Variants in CDKL1 observed in about 807,000 individuals in gnomAD.
The protein encoded by CDKL1 is cyclin-dependent kinase-like 1.
Under a neutral mutation model 42.0 loss-of-function variants are expected in CDKL1, and 41 were observed. The ratio of observed to expected loss-of-function variants is 0.98; its 90% CI spans 0.76 to 1.27. The LOEUF (loss-of-function observed/expected upper bound fraction) is 1.27. CDKL1 is among the 50% of genes most tolerant of loss of function. The pLI is 0.00. For missense variants in CDKL1, 394 were observed against 428.4 expected (o/e 0.92, Z 0.71); for synonymous variants, 153 against 158.6 (o/e 0.96, Z 0.26).
chr14:50,362,231 T>C, intron 2 of CDKL1: 1 of 300,054 alleles, frequency 3.3e-6, no homozygotes. Flanking sequence ...AACCGCCCCC[T>C]GCTCCGCAGC....
chr14:50,379,433 TG>T (rs1402505505), intron 2 of CDKL1, among the ~76,000 whole-genome samples: 1 of 152,030 alleles, frequency 6.6e-6, no homozygotes, highest in Non-Finnish European at 1.5e-5. Flanking sequence ...CCTCTGTGGG[TG>T]GGGTAGACAG....
intron 3 of CDKL1, among the ~76,000 whole-genome samples, chr14:50,353,957 CTTT>C (rs529856608): frequency 1.4e-5 from 2 of 142,904 alleles, no homozygotes; most frequent in African/African-American, 2.5e-5. Flanking sequence ...TCAATTTTTT[CTTT>C]TTTTTTTTTT....
At chr14:50,341,471 G>GC (rs1566578814) in intron 5 of CDKL1, among the ~76,000 whole-genome samples, 1 of 116,322 alleles carries the variant, frequency 8.6e-6, no homozygotes, top group African/African-American at 3.3e-5. Flanking sequence ...GGGGGGGGGG[G>GC]GTTATTTGGC....
intron 2 of CDKL1, among the ~76,000 whole-genome samples, chr14:50,375,301 GAATA>G (rs542650433): frequency 4.0e-4 from 61 of 152,260 alleles, no homozygotes; most frequent in African/African-American, 1.4e-3. Context: ...CTGGATGAAT[GAATA>G]AACAAATAAA....
intron 3 of CDKL1, among the ~76,000 whole-genome samples, chr14:50,347,907 C>T (rs776239623): frequency 6.6e-6 from 1 of 152,118 alleles, no homozygotes; most frequent in Non-Finnish European, 1.5e-5. Flanking sequence ...GTGAATAAGA[C>T]AACACTCAGG....
intron 2 of CDKL1, among the ~76,000 whole-genome samples, chr14:50,392,637 G>A (rs1313198203): frequency 1.3e-5 from 2 of 151,756 alleles, no homozygotes; most frequent in African/African-American, 4.8e-5. Context: ...CCCACATGGT[G>A]ACCTCCTCCG....
chr14:50,362,268 C>CT (rs932055511), intron 2 of CDKL1: 3 of 382,682 alleles, frequency 7.8e-6, no homozygotes, highest in Non-Finnish European at 1.6e-5. Context: ...CACCCAAGGA[C>CT]TGAGGAGTGC....
rs1200279415 is a variant in CDKL1 at position 50,329,483 on chromosome 14, A to G, written c.*591T>C. On this transcript the variant is annotated 3_prime_UTR_variant, in exon 10 of 10. Transcript: ENST00000395834. ...GTGGAAACATATAATTAAATTATAA[A>G]TTACCAAGCTTTTGTGATAATTCAT... The G allele has an allele frequency of 1.3e-5, 2 of 152,352 alleles. No homozygotes were observed. The highest frequency in any genetic ancestry group is 4.8e-5 in the African/African-American group (2 of 41,442). The allele number at this position is 152,352 out of a possible 1,614,324, so 9.4% of individuals were successfully genotyped here.
rs2032785659 is a variant in CDKL1 at position 50,328,337 on chromosome 14, T to C, written c.*1737A>G. ...GGACTAGCATTTAACCCATATCAGGTCTAGGCAAGAAAAGACATACATTAG... is the reference window on the plus strand; with the variant it reads ...GGACTAGCATTTAACCCATATCAGGCCTAGGCAAGAAAAGACATACATTAG... On this transcript the variant is annotated 3_prime_UTR_variant, in exon 10 of 10. Transcript: ENST00000395834. 1 of 152,114 alleles carries C rather than the reference T, an allele frequency of 6.6e-6. No homozygotes were observed. The allele number at this position is 152,114 out of a possible 1,614,324, so 9.4% of individuals were successfully genotyped here.
At chr14:50,342,387 G>A (rs1237147862) in intron 4 of CDKL1, 165 bp from the exon 5 acceptor site, 2 of 1,389,206 alleles carry the variant, frequency 1.4e-6, no homozygotes, top group East Asian at 2.6e-5. Context: ...TACCATGCCT[G>A]TCAGAGCCTG....
chr14:50,371,673 C>T (rs2034594830), intron 2 of CDKL1, among the ~76,000 whole-genome samples: 1 of 152,238 alleles, frequency 6.6e-6, no homozygotes, highest in African/African-American at 2.4e-5. Flanking sequence ...CTCCCTGGAG[C>T]TGGCAGGAGC....
chr14:50,358,608 G>A (rs1254783592), intron 3 of CDKL1, among the ~76,000 whole-genome samples: 1 of 127,876 alleles, frequency 7.8e-6, no homozygotes, highest in African/African-American at 3.0e-5. Context: ...AGAGTATGTT[G>A]TACAAACACT....
At chr14:50,350,240 G>T (rs1454040668) in intron 3 of CDKL1, among the ~76,000 whole-genome samples, 1 of 152,172 alleles carries the variant, frequency 6.6e-6, no homozygotes, top group South Asian at 2.1e-4. Context: ...ATTGTAGCCC[G>T]TGCTAGCAAG....
At position 50,334,601 on chromosome 14, in the gene CDKL1, G is replaced by T; in HGVS notation, c.759C>A (p.Phe253Leu). 1 of 1,602,660 alleles carries T rather than the reference G, an allele frequency of 6.2e-7. No individual in the cohort carries two copies. The highest frequency in any genetic ancestry group is 8.5e-7 in the Non-Finnish European group (1 of 1,169,710). The change falls in exon 8 of 10, where the codon TTC (phenylalanine) becomes TTA (leucine). Residue 253 changes from phenylalanine to leucine, a missense_variant. By Grantham distance (22) the Phe-to-Leu change is conservative (BLOSUM62 0). Transcript: ENST00000395834. ...PEDMEPLELK[F>L]PNISYPALGL... ...CCAGGGCAGGATAAGAGATGTTTGGGAATTTTAATTCAAGTGGTTCCTGTT... is the reference window on the plus strand; with the variant it reads ...CCAGGGCAGGATAAGAGATGTTTGGTAATTTTAATTCAAGTGGTTCCTGTT...
rs769798660 is a variant in CDKL1, at chr14:50,339,058, G to GA, written c.656-30dup. On this transcript the variant is annotated intron_variant, in intron 6 of 9. Transcript: ENST00000395834. ...TGGACAAGAAAAGAAAAAGGTAAGT[G>GA]AAATTGGTTAGCAAACACTGATCTA... is the stretch of plus-strand genomic sequence containing the variant. The GA allele has an allele frequency of 6.9e-6, 10 of 1,458,438 alleles. No homozygotes were observed. In the African/African-American group the frequency reaches 1.3e-4, roughly 18 times the overall value. 90.3% of individuals were successfully genotyped at this position (1,458,438 alleles called of 1,614,324 possible). A position where few individuals can be genotyped will look rare whatever the true frequency, so the allele number is the denominator to read the frequency against.
At chr14:50,374,683 T>C (rs1002411828) in intron 2 of CDKL1, among the ~76,000 whole-genome samples, 1 of 152,170 alleles carries the variant, frequency 6.6e-6, no homozygotes, top group Non-Finnish European at 1.5e-5. Context: ...ATACAGATGA[T>C]TACATATAGA....
At chr14:50,375,909 C>T (rs1484440999) in intron 2 of CDKL1, among the ~76,000 whole-genome samples, 1 of 152,068 alleles carries the variant, frequency 6.6e-6, no homozygotes, top group Non-Finnish European at 1.5e-5. Context: ...AGACAAATTC[C>T]AACAGAGGGA....
intron 2 of CDKL1, chr14:50,377,734 A>G: frequency 7.9e-7 from 1 of 1,266,666 alleles, no homozygotes; most frequent in Non-Finnish European, 1.0e-6. Flanking sequence ...TCGGCACTGC[A>G]GTGGCACATG....
In CDKL1 at chr14:50,329,399, C is replaced by T. The variant is rs1031212607; in HGVS notation, c.*675G>A. On this transcript the variant is annotated 3_prime_UTR_variant, in exon 10 of 10. Transcript: ENST00000395834. ...TAAATGTAGACAGATTACAGTAAAT[C>T]CACGTTGCCTGCAAAAGTGACTAAG... The T allele has an allele frequency of 6.6e-6, 1 of 152,110 alleles. No homozygotes were observed. The highest frequency in any genetic ancestry group is 2.4e-5 in the African/African-American group (1 of 41,422). The allele number at this position is 152,110 out of a possible 1,614,324, so 9.4% of individuals were successfully genotyped here. A position where few individuals can be genotyped will look rare whatever the true frequency, so the allele number is the denominator to read the frequency against.
Sources: allele counts gnomAD v4.1 joint callset (sites outside exome capture counted in the v4.1 genomes callset), GRCh38; gene constraint gnomAD v4.1.1; transcripts MANE v1.5; gene names NCBI Gene and HGNC (gene_info 2026-07-23, HGNC 2026-07-21).